KIF20B: variants seen among roughly 807,000 people sequenced by gnomAD.
KIF20B encodes kinesin family member 20B.
KIF20B carries 188 observed loss-of-function variants against 232.5 expected under a neutral mutation model. The observed-to-expected ratio is 0.81, with a 90% CI of 0.72 to 0.91. KIF20B has a LOEUF of 0.91. Among genes scored for constraint, KIF20B ranks in the 40% least tolerant of loss-of-function variants. The pLI is 0.00. For synonymous variants in KIF20B, 712 were observed against 683.0 expected (o/e 1.04, Z -0.66); for missense variants, 2,154 against 2,055.9 (o/e 1.05, Z -0.92).
chr10:89,756,933 G>T (rs1842130552), intron 26 of KIF20B, among the ~76,000 whole-genome samples: 1 of 151,084 alleles, frequency 6.6e-6, no homozygotes, highest in African/African-American at 2.4e-5. Context: ...AAGATATTTG[G>T]ATTGTTTTCT....
intron 13 of KIF20B, among the ~76,000 whole-genome samples, chr10:89,720,423 G>T (rs1038994252): frequency 5.3e-5 from 8 of 152,086 alleles, no homozygotes; most frequent in Admixed American, 5.2e-4. Flanking sequence ...GCTAAGTTTT[G>T]CTCACTTGGT....
At position 89,764,483 on chromosome 10, in the gene KIF20B, G is replaced by A. The variant is rs186193320; in HGVS notation, c.4989+1648G>A. ...TGGGAATCGCCACACTGACTTCCAC[G>A]ATGGTTGAACTAGTTTACAGTCCCA... On this transcript the variant is annotated intron_variant, in intron 29 of 32. Transcript: ENST00000371728. Among the ~76,000 whole-genome samples the A allele has an allele frequency of 6.6e-3, 1,009 of 152,220 alleles. 13 individuals carry two copies. The highest frequency in any genetic ancestry group is 0.021 in the African/African-American group (862 of 41,538).
At chr10:89,768,974 G>C (rs964617461) in intron 31 of KIF20B, 86 bp downstream of exon 31, 1 of 1,094,528 alleles carries the variant, frequency 9.1e-7, no homozygotes, top group Non-Finnish European at 1.3e-6. Flanking sequence ...CTCAACAGCT[G>C]TTCAGGGAAT....
At chr10:89,764,687 A>T (rs1842318254) in intron 29 of KIF20B, among the ~76,000 whole-genome samples, 1 of 151,718 alleles carries the variant, frequency 6.6e-6, no homozygotes, top group Admixed American at 6.6e-5. Context: ...GGCTGCATAA[A>T]TGTCTTCTTT....
Position 89,716,522 on chromosome 10 carries a change from A to G in KIF20B, c.1027A>G (p.Lys343Glu). Residue 343 changes from lysine to glutamate, a missense_variant, in exon 9 of 33, where the codon AAA becomes GAA. Lys to Glu is a moderately conservative substitution (Grantham distance 56). Coordinates refer to ENST00000371728, the MANE Select transcript of KIF20B (RefSeq NM_001284259.2). Reference protein sequence around the residue: ...GIKHQSVAFTKLNNASSRSHS... With the variant: ...GIKHQSVAFTELNNASSRSHS... ...AAAGCACCAGAGTGTTGCCTTCACAAAATTGAATAATGCTTCCAGTAGAAG... is the reference window on the plus strand; with the variant it reads ...AAAGCACCAGAGTGTTGCCTTCACAGAATTGAATAATGCTTCCAGTAGAAG... 6.4e-7 allele frequency: 1 copy of G among 1,562,888 alleles called. No individual in the cohort carries two copies. Among genetic ancestry groups the G allele is most frequent in the Non-Finnish European group, 8.8e-7 (1 of 1,140,936 alleles).
rs1564665122 is a variant in KIF20B at position 89,732,957 on chromosome 10, A to G, written c.2446A>G (p.Thr816Ala). Residue 816 changes from threonine (T) to alanine (A), a missense_variant, in exon 19 of 33, where the codon ACA becomes GCA. By Grantham distance (58) the Thr-to-Ala change is moderately conservative. Transcript: ENST00000371728. ...AAACAATAAATTGATTTGTAATGAA[A>G]CAGTTGAAGTACCTAAGGACAGCAA... is the stretch of plus-strand genomic sequence containing the variant. Reference protein sequence around the residue: ...IINNKLICNETVEVPKDSKSK... With the variant: ...IINNKLICNEAVEVPKDSKSK... The G allele has an allele frequency of 1.2e-6, 2 of 1,610,852 alleles. No individual in the cohort carries two copies. Among genetic ancestry groups the G allele is most frequent in the East Asian group, 2.2e-5 (1 of 44,800 alleles).
chr10:89,742,033 A>G (rs1014522075), intron 21 of KIF20B, among the ~76,000 whole-genome samples: 4 of 152,202 alleles, frequency 2.6e-5, no homozygotes, highest in Non-Finnish European at 5.9e-5. Context: ...TGAAAAGGTA[A>G]AAGTTCTTAA....
At chr10:89,768,963 ACT>A in intron 31 of KIF20B, 75 bp downstream of exon 31, 1 of 1,194,414 alleles carries the variant, frequency 8.4e-7, no homozygotes, top group Middle Eastern at 2.6e-4. Context: ...TGATATATAA[ACT>A]CAACAGCTGT....
chr10:89,723,251 TTAAA>T lies in KIF20B; in HGVS notation c.1723-710_1723-707del, dbSNP rs555149026. ...TTGTTTAATTTGTTGTTGAGTAACT[TTAAA>T]TAGAAACATTAAAAAGAATATGTAG... On this transcript the variant is annotated intron_variant, in intron 13 of 32. Coordinates refer to ENST00000371728, the MANE Select transcript of KIF20B (RefSeq NM_001284259.2). Among the ~76,000 whole-genome samples the T allele has an allele frequency of 1.3e-3, 192 of 152,356 alleles. 1 individual carries two copies. In the Middle Eastern group the frequency reaches 0.044, roughly 35 times the overall value.
rs1842218482 is a variant in KIF20B, at chr10:89,760,589, A to G, written c.4744A>G (p.Thr1582Ala). The G allele has an allele frequency of 6.2e-7, 1 of 1,613,042 alleles. No homozygotes were observed. Among genetic ancestry groups the G allele is most frequent in the African/African-American group, 1.3e-5 (1 of 75,004 alleles). Residue 1582 changes from threonine (T) to alanine (A), a missense_variant, in exon 28 of 33, where the codon ACT becomes GCT. Physicochemically the swap from Thr to Ala is moderately conservative, Grantham distance 58. Coordinates refer to ENST00000371728, the MANE Select transcript of KIF20B (RefSeq NM_001284259.2). ...ISSADPDKLQTEPLSTSFEIS... is the reference protein window; with the variant it reads ...ISSADPDKLQAEPLSTSFEIS... ...TTCAGCAGATCCTGACAAACTTCAA[A>G]CTGAACCTCTATCGACAAGTTTTGA... is the stretch of plus-strand genomic sequence containing the variant.
intron 6 of KIF20B, among the ~76,000 whole-genome samples, chr10:89,711,623 T>C (rs888155749): frequency 1.3e-5 from 2 of 152,034 alleles, no homozygotes; most frequent in African/African-American, 4.8e-5. Flanking sequence ...TACACAAACA[T>C]GGTCATATAT....
chr10:89,746,182 G>GT (rs935038300), intron 23 of KIF20B, among the ~76,000 whole-genome samples: 7 of 152,210 alleles, frequency 4.6e-5, no homozygotes, highest in African/African-American at 1.7e-4. Flanking sequence ...TCTACAGGGT[G>GT]TTTTTTCAGC....
At chr10:89,747,457 T>C (rs1354389389) in intron 23 of KIF20B, among the ~76,000 whole-genome samples, 1 of 152,024 alleles carries the variant, frequency 6.6e-6, no homozygotes, top group East Asian at 1.9e-4. Context: ...AGCAGCACTA[T>C]TCACAATAGC....
intron 19 of KIF20B, 114 bp from the exon 20 acceptor site, chr10:89,737,273 T>A: frequency 8.9e-7 from 1 of 1,122,658 alleles, no homozygotes; most frequent in Non-Finnish European, 1.2e-6. Context: ...ATTTTTTTTT[T>A]TTAATTAGAA....
chr10:89,733,690 T>C (rs1045530288), intron 19 of KIF20B, among the ~76,000 whole-genome samples: 1 of 152,166 alleles, frequency 6.6e-6, no homozygotes, highest in African/African-American at 2.4e-5. Context: ...AAGAAACGCT[T>C]CAAAAAGAAA....
chr10:89,743,766 T>C, intron 21 of KIF20B, 42 bp from the exon 22 acceptor site: 3 of 1,282,208 alleles, frequency 2.3e-6, no homozygotes, highest in Non-Finnish European at 3.2e-6. Context: ...GCAGTTAGTA[T>C]TTTTAAAATA....
rs1476547878 is a variant in KIF20B at position 89,737,849 on chromosome 10, A to G, written c.3008A>G (p.Asn1003Ser). The change falls in exon 20 of 33, where the codon AAC becomes AGC. Residue 1003 changes from asparagine (N) to serine (S), a missense_variant. Coordinates refer to ENST00000371728, the MANE Select transcript of KIF20B (RefSeq NM_001284259.2). ...RTLDSVSQIS[N>S]IDLLNLRDLS... Reference sequence around the variant, plus strand: ...CTTGATTCAGTTTCTCAGATTTCAAACATAGATTTGCTCAATCTCAGGGAT... The same window carrying G: ...CTTGATTCAGTTTCTCAGATTTCAAGCATAGATTTGCTCAATCTCAGGGAT... The G allele has an allele frequency of 3.7e-6, 6 of 1,613,436 alleles. No individual in the cohort carries two copies. The highest frequency in any genetic ancestry group is 1.3e-5 in the African/African-American group (1 of 74,924).
chr10:89,758,622 G>A, intron 26 of KIF20B, 84 bp from the exon 27 acceptor site: 1 of 881,236 alleles, frequency 1.1e-6, no homozygotes. Flanking sequence ...TATATTTATG[G>A]TGTTACATAT....
intron 24 of KIF20B, among the ~76,000 whole-genome samples, chr10:89,752,028 G>T (rs956560287): frequency 6.6e-6 from 1 of 151,954 alleles, no homozygotes; most frequent in African/African-American, 2.4e-5. Context: ...GTAAAATGTG[G>T]CTGATGATGA....
Sources: allele counts gnomAD v4.1 joint callset (sites outside exome capture counted in the v4.1 genomes callset), GRCh38; gene constraint gnomAD v4.1.1; transcripts MANE v1.5; gene names NCBI Gene and HGNC (gene_info 2026-07-23, HGNC 2026-07-21).